The following HIVEP2 variants were observed in gnomAD, a reference collection of about 807,000 sequenced individuals.
The protein encoded by HIVEP2 is transcription factor HIVEP2.
In HIVEP2, 14 loss-of-function variants were observed where a neutral mutation model predicts 180.7. That is an observed-to-expected ratio of 0.08 (90% CI 0.05 to 0.12). The LOEUF (loss-of-function observed/expected upper bound fraction) is 0.12. Ranked by LOEUF, HIVEP2 falls within the 10% of genes least tolerant of loss-of-function variation. The pLI, the probability that HIVEP2 is intolerant of heterozygous loss-of-function variation, is 1.00. For missense variants in HIVEP2, 2,579 were observed against 3,008.5 expected, an observed-to-expected ratio of 0.86 and a Z score of 3.34; for synonymous variants, 1,184 against 1,136.4, an observed-to-expected ratio of 1.04 and a Z score of -0.84.
chr6:142,773,131 G>A lies in HIVEP2; in HGVS notation c.1608C>T (p.Asp536=), dbSNP rs1775598131. 2 of 1,614,114 alleles carry A rather than the reference G, an allele frequency of 1.2e-6. No homozygotes were observed. The highest frequency in any genetic ancestry group is 1.1e-5 in the South Asian group (1 of 91,092). Residue 536 remains aspartate (D), a synonymous_variant, in exon 5 of 10, where the codon GAC becomes GAT. Coordinates refer to ENST00000367603, the MANE Select transcript of HIVEP2 (RefSeq NM_006734.4). ...SNPVLLEAPV[D]SSPLIRSNSV... is the part of the protein sequence containing the mutation. ...AGTTGCTTCTAATAAGGGGTGAAGA[G>A]TCTACAGGAGCTTCTAAGAGAACCG...
chr6:142,940,668 A>C (rs1778154258), intron 1 of HIVEP2, among the ~76,000 whole-genome samples: 2 of 149,162 alleles, frequency 1.3e-5, no homozygotes, highest in Admixed American at 6.6e-5. Context: ...TCGGGTCATT[A>C]TTTATACCCT....
intron 5 of HIVEP2, among the ~76,000 whole-genome samples, chr6:142,768,738 C>T (rs1582838699): frequency 4.6e-5 from 7 of 151,422 alleles, no homozygotes; most frequent in African/African-American, 1.7e-4. Context: ...CATTCTGTTA[C>T]AGCTATATAT....
intron 8 of HIVEP2, among the ~76,000 whole-genome samples, chr6:142,761,158 A>G (rs1012759686): frequency 6.6e-6 from 1 of 152,202 alleles, no homozygotes; most frequent in African/African-American, 2.4e-5. Context: ...AAATTCCCCA[A>G]AAAGCCTCAT....
At chr6:142,914,453 G>A (rs1777499845) in intron 1 of HIVEP2, among the ~76,000 whole-genome samples, 2 of 152,118 alleles carry the variant, frequency 1.3e-5, no homozygotes, top group Non-Finnish European at 1.5e-5. Context: ...ATAGCGGTTG[G>A]TCTTGAGTAA....
upstream of HIVEP2, among the ~76,000 whole-genome samples, chr6:142,945,396 G>C (rs1778302352): frequency 6.6e-6 from 1 of 152,172 alleles, no homozygotes; most frequent in Non-Finnish European, 1.5e-5. This position sits in a 1 kb window ranked among gnomAD's most constrained non-coding sequence, Gnocchi z 5.5. Flanking sequence ...CCGGGGAGCG[G>C]GGGACGGAGT....
At chr6:142,849,719 A>G (rs1775602035) in intron 1 of HIVEP2, among the ~76,000 whole-genome samples, 1 of 151,968 alleles carries the variant, frequency 6.6e-6, no homozygotes, top group Admixed American at 6.6e-5. Context: ...GGGTTTCACT[A>G]TGTTGCCCAG....
chr6:142,780,432 GA>G (rs1775828494), intron 3 of HIVEP2, among the ~76,000 whole-genome samples: 1 of 152,138 alleles, frequency 6.6e-6, no homozygotes, highest in Non-Finnish European at 1.5e-5. Flanking sequence ...CATGTTTGAG[GA>G]TGTCTTTTTC....
intron 2 of HIVEP2, among the ~76,000 whole-genome samples, chr6:142,786,227 T>C (rs1403797493): frequency 2.0e-5 from 3 of 152,228 alleles, no homozygotes; most frequent in Non-Finnish European, 2.9e-5. Context: ...GTTTACATAG[T>C]ATGCTATTAA....
chr6:142,869,024 T>G (rs1009914903), intron 1 of HIVEP2, among the ~76,000 whole-genome samples: 1 of 152,078 alleles, frequency 6.6e-6, no homozygotes, highest in Non-Finnish European at 1.5e-5. Flanking sequence ...CGGCCAAGGG[T>G]GATTTTGCCC....
chr6:142,806,574 G>A (rs113623935), intron 2 of HIVEP2, among the ~76,000 whole-genome samples: 62 of 152,180 alleles, frequency 4.1e-4, no homozygotes, highest in African/African-American at 1.4e-3. Context: ...ACCATATTCA[G>A]TTCCTCATCA....
In HIVEP2 at chr6:142,751,736, C is replaced by T. The variant is rs76734824; in HGVS notation, c.*1371G>A. 1.2e-4 allele frequency: 19 copies of T among 152,780 alleles called. No individual in the cohort carries two copies. Among genetic ancestry groups the T allele is most frequent in the East Asian group, 5.8e-4 (3 of 5,176 alleles). The allele number at this position is 152,780 out of a possible 1,614,324, so 9.5% of individuals were successfully genotyped here. A position where few individuals can be genotyped will look rare whatever the true frequency, so the allele number is the denominator to read the frequency against. On this transcript the variant is annotated 3_prime_UTR_variant, in exon 10 of 10. Coordinates refer to ENST00000367603, the MANE Select transcript of HIVEP2 (RefSeq NM_006734.4). The stretch of plus-strand genomic sequence containing the variant: ...ATTACATACAACAGACATCCTCCCA[C>T]GAGTTCTTTGCCCTTGAAAGATTCT...
At chr6:142,910,525 C>G (rs988109962) in intron 1 of HIVEP2, among the ~76,000 whole-genome samples, 1 of 152,194 alleles carries the variant, frequency 6.6e-6, no homozygotes, top group Admixed American at 6.5e-5. Context: ...TTGTTTGAAC[C>G]CGGCAGGCAG....
chr6:142,866,444 G>A (rs1206299736), intron 1 of HIVEP2, among the ~76,000 whole-genome samples: 1 of 152,082 alleles, frequency 6.6e-6, no homozygotes, highest in Admixed American at 6.6e-5. Flanking sequence ...TTTCCCATTA[G>A]TAGACAGTTC....
In HIVEP2 at chr6:142,943,772, C is replaced by A. The variant is rs2128442199; in HGVS notation, c.-641+1327G>T. Among the ~76,000 whole-genome samples, 1 of 152,260 alleles carries A rather than the reference C, an allele frequency of 6.6e-6. No homozygotes were observed. Among genetic ancestry groups the A allele is most frequent in the East Asian group, 1.9e-4 (1 of 5,184 alleles). ...TTCATTTTAGGCCTAAATAACTCTG[C>A]AGAGAATAAGGGTTTTGCAATGTCA... On this transcript the variant is annotated intron_variant, in intron 1 of 9. Coordinates refer to ENST00000367603, the MANE Select transcript of HIVEP2 (RefSeq NM_006734.4). This position sits in a 1 kb window ranked among gnomAD's most constrained non-coding sequence, Gnocchi z 4.5.
chr6:142,869,507 C>T (rs1290742254), intron 1 of HIVEP2, among the ~76,000 whole-genome samples: 1 of 152,070 alleles, frequency 6.6e-6, no homozygotes, highest in Non-Finnish European at 1.5e-5. Flanking sequence ...TGTGAAATAA[C>T]TAATTTTAAA....
chr6:142,789,043 A>G (rs1776074775), intron 2 of HIVEP2, among the ~76,000 whole-genome samples: 1 of 152,222 alleles, frequency 6.6e-6, no homozygotes, highest in South Asian at 2.1e-4. Context: ...ATGATTATAT[A>G]TACTTTATTT....
At position 142,771,010 on chromosome 6, in the gene HIVEP2, G is replaced by C. The variant is rs1467534293; in HGVS notation, c.3729C>G (p.Gly1243=). 1.2e-6 allele frequency: 2 copies of C among 1,614,078 alleles called. No homozygotes were observed. Among genetic ancestry groups the C allele is most frequent in the Admixed American group, 1.7e-5 (1 of 60,010 alleles). Residue 1243 remains glycine (G), a synonymous_variant, in exon 5 of 10, where the codon GGC becomes GGG. Transcript: ENST00000367603. The surrounding 1 kb of genome is among the most constrained non-coding windows in gnomAD (Gnocchi z 5.4). ...GGATTTCTGTCTGAAAAGAGGGCTTGCCATAGCTCTTCTGAGGGTGCTGAG... is the reference window on the plus strand; with the variant it reads ...GGATTTCTGTCTGAAAAGAGGGCTTCCCATAGCTCTTCTGAGGGTGCTGAG... ...PFAQHPQKSY[G]KPSFQTEIHS... is the part of the protein sequence containing the mutation.
chr6:142,888,161 T>C (rs1776756488), intron 1 of HIVEP2, among the ~76,000 whole-genome samples: 1 of 152,184 alleles, frequency 6.6e-6, no homozygotes, highest in Admixed American at 6.5e-5. Flanking sequence ...ACTATAAAGT[T>C]AGTTTTCTCC....
chr6:142,761,624 G>A, intron 7 of HIVEP2, 59 bp from the exon 8 acceptor site: 1 of 896,444 alleles, frequency 1.1e-6, no homozygotes, highest in South Asian at 1.3e-5. Flanking sequence ...AATAACTGCT[G>A]ATAGCTGCTC....
Sources: gnomAD v4.1 joint callset for allele counts (sites outside exome capture counted in the v4.1 genomes callset) on GRCh38, gnomAD v4.1.1 for gene constraint, Gnocchi (gnomAD v3.1) non-coding constraint, MANE v1.5 for transcripts, NCBI Gene and HGNC (gene_info 2026-07-23, HGNC 2026-07-21) for gene names.